PDE10A: variants seen among roughly 807,000 people sequenced by gnomAD.
PDE10A encodes phosphodiesterase 10A.
In PDE10A, 39 loss-of-function variants were observed where a neutral mutation model predicts 97.7. That is an observed-to-expected ratio of 0.40 (90% confidence interval 0.31 to 0.52). The LOEUF is 0.52. Ranked by LOEUF, PDE10A falls within the 20% of genes least tolerant of loss-of-function variation. The probability of loss-of-function intolerance (pLI) is 0.56; values close to 1 mark genes in which losing one functional copy is unlikely to be tolerated. For missense variants in PDE10A, 731 were observed against 1,047.8 expected (o/e 0.70, Z 4.17); for synonymous variants, 371 against 376.8 (o/e 0.98, Z 0.18).
chr6:165,461,817 T>C lies in PDE10A; in HGVS notation c.1024-11455A>G, dbSNP rs530793518. 2.4e-4 allele frequency among the ~76,000 whole-genome samples: 36 copies of C among 152,354 alleles called. 1 individual carries two copies. The highest frequency in any genetic ancestry group is 1.9e-3 in the South Asian group (9 of 4,834). On this transcript the variant is annotated intron_variant, in intron 3 of 21. Coordinates refer to ENST00000539869, the MANE Select transcript of PDE10A (RefSeq NM_001385079.1). ...CTGGCCTCAAACGCAGATACAGCACTACCTGGAAAGAAGCTAAAAATATTA... is the reference window on the plus strand; with the variant it reads ...CTGGCCTCAAACGCAGATACAGCACCACCTGGAAAGAAGCTAAAAATATTA...
intron 1 of PDE10A, among the ~76,000 whole-genome samples, chr6:165,696,180 G>GC (rs1472031018): frequency 1.3e-5 from 2 of 152,172 alleles, no homozygotes; most frequent in African/African-American, 4.8e-5. Flanking sequence ...GCAATAAGAA[G>GC]CCCCGGGGAG....
chr6:165,658,465 G>A (rs562747930), intron 1 of PDE10A, among the ~76,000 whole-genome samples: 2 of 152,186 alleles, frequency 1.3e-5, no homozygotes, highest in East Asian at 3.9e-4. Flanking sequence ...TGTCATCAGA[G>A]TAGCTAACCA....
intron 1 of PDE10A, among the ~76,000 whole-genome samples, chr6:165,849,335 A>T (rs1780507292): frequency 6.6e-6 from 1 of 152,346 alleles, no homozygotes; most frequent in South Asian, 2.1e-4. Context: ...CCCATGTTTA[A>T]ATCCACCTTT....
chr6:165,893,254 CT>C (rs1310737794), intron 1 of PDE10A, among the ~76,000 whole-genome samples: 3 of 152,228 alleles, frequency 2.0e-5, no homozygotes, highest in Non-Finnish European at 2.9e-5. Flanking sequence ...TGTATAGTCA[CT>C]CTTCAGATTT....
Position 165,388,513 on chromosome 6 carries a change from T to C in PDE10A, c.2455-60A>G. ...ACACAGAAACACACATGAGCAGACT[T>C]ACCGCTTACATTCATGTCACATTAC... On this transcript the variant is annotated intron_variant, in intron 16 of 21. Transcript: ENST00000539869. The surrounding 1 kb of genome is among the most constrained non-coding windows in gnomAD (Gnocchi z 4.0). The C allele has an allele frequency of 1.4e-6, 2 of 1,466,620 alleles. No homozygotes were observed. The highest frequency in any genetic ancestry group is 1.9e-6 in the Non-Finnish European group (2 of 1,050,846). The allele number at this position is 1,466,620 out of a possible 1,614,324, so 90.9% of individuals were successfully genotyped here.
intron 1 of PDE10A, among the ~76,000 whole-genome samples, chr6:165,734,116 A>C (rs1219219674): frequency 6.6e-6 from 1 of 152,200 alleles, no homozygotes; most frequent in African/African-American, 2.4e-5. Flanking sequence ...TGGAAGAGAG[A>C]GACTGCAAAG....
At chr6:165,894,199 G>A (rs1294403669) in intron 1 of PDE10A, 5 of 417,312 alleles carry the variant, frequency 1.2e-5, no homozygotes, top group African/African-American at 2.1e-5. Flanking sequence ...AGTGCTTTCC[G>A]AAGGAGAGCC....
intron 20 of PDE10A, among the ~76,000 whole-genome samples, chr6:165,337,813 G>A (rs1781738314): frequency 6.6e-6 from 1 of 152,126 alleles, no homozygotes; most frequent in African/African-American, 2.4e-5. Flanking sequence ...TGCATTCTTG[G>A]GATGACTGTT....
At chr6:165,343,223 T>C (rs1178318405) in intron 19 of PDE10A, among the ~76,000 whole-genome samples, 168 bp downstream of exon 19, 1 of 152,244 alleles carries the variant, frequency 6.6e-6, no homozygotes, top group Non-Finnish European at 1.5e-5. Context: ...TGTAAAAGAA[T>C]GATCATTCTC....
At chr6:165,817,275 G>T (rs1779444685) in intron 1 of PDE10A, among the ~76,000 whole-genome samples, 1 of 152,112 alleles carries the variant, frequency 6.6e-6, no homozygotes, top group Non-Finnish European at 1.5e-5. Context: ...GGGCTATCCT[G>T]GGAATAAACA....
At chr6:165,763,994 A>C (rs1157561221) in intron 1 of PDE10A, among the ~76,000 whole-genome samples, 1 of 152,228 alleles carries the variant, frequency 6.6e-6, no homozygotes, top group African/African-American at 2.4e-5. Flanking sequence ...AACGGGTTTG[A>C]GATCCCTGAG....
At chr6:165,648,908 G>T (rs1032716015) in intron 1 of PDE10A, among the ~76,000 whole-genome samples, 1 of 152,188 alleles carries the variant, frequency 6.6e-6, no homozygotes, top group Non-Finnish European at 1.5e-5. Flanking sequence ...TCCACAGAGT[G>T]AAAGGACCGT....
chr6:165,487,304 T>C (rs568260413), intron 2 of PDE10A, among the ~76,000 whole-genome samples: 4 of 152,196 alleles, frequency 2.6e-5, no homozygotes, highest in Admixed American at 1.3e-4. Flanking sequence ...TAAAATGAGA[T>C]TACAGAGTAG....
At chr6:165,579,063 C>T (rs1432797446) in intron 1 of PDE10A, among the ~76,000 whole-genome samples, 3 of 152,150 alleles carry the variant, frequency 2.0e-5, no homozygotes, top group African/African-American at 7.2e-5. Context: ...CCCAAGAAGG[C>T]ATGAAGGATC....
intron 1 of PDE10A, among the ~76,000 whole-genome samples, chr6:165,850,371 T>C (rs1354812437): frequency 6.6e-6 from 1 of 152,178 alleles, no homozygotes; most frequent in Non-Finnish European, 1.5e-5. Flanking sequence ...ACTCTCAGGG[T>C]CCGTGGAACA....
chr6:165,957,265 G>A (rs1362042550), intron 1 of PDE10A, among the ~76,000 whole-genome samples: 1 of 152,152 alleles, frequency 6.6e-6, no homozygotes, highest in Non-Finnish European at 1.5e-5. Context: ...AGGATCACTT[G>A]AGACCAGGAG....
intron 1 of PDE10A, among the ~76,000 whole-genome samples, chr6:165,732,786 T>A (rs2128451409): frequency 6.6e-6 from 1 of 152,316 alleles, no homozygotes; most frequent in East Asian, 1.9e-4. Flanking sequence ...ATGAGCGCTG[T>A]CCCAGTTCTG....
chr6:165,826,769 G>A (rs1346954352), intron 1 of PDE10A, among the ~76,000 whole-genome samples: 1 of 146,948 alleles, frequency 6.8e-6, no homozygotes, highest in Non-Finnish European at 1.5e-5. Context: ...ATGGAGATGT[G>A]CGGTTGGGAG....
At chr6:165,614,408 A>G (rs1466934598) in intron 1 of PDE10A, among the ~76,000 whole-genome samples, 1 of 152,134 alleles carries the variant, frequency 6.6e-6, no homozygotes, top group African/African-American at 2.4e-5. Flanking sequence ...GGATAACTCC[A>G]AGCACACAGG....
Sources: allele counts gnomAD v4.1 joint callset (sites outside exome capture counted in the v4.1 genomes callset), GRCh38; gene constraint gnomAD v4.1.1; non-coding constraint Gnocchi (gnomAD v3.1); transcripts MANE v1.5; gene names NCBI Gene and HGNC (gene_info 2026-07-23, HGNC 2026-07-21).